Variants in WWOX observed in about 807,000 individuals in gnomAD.
WWOX encodes the protein WW domain containing oxidoreductase.
Under a neutral mutation model 46.2 loss-of-function variants are expected in WWOX, and 69 were observed. That is an observed-to-expected ratio of 1.49 (90% CI 1.23 to 1.82). The LOEUF (loss-of-function observed/expected upper bound fraction) is 1.82, where lower values mean the gene tolerates loss of function less well. WWOX is among the 40% of genes most tolerant of loss of function. The pLI, the probability that WWOX is intolerant of heterozygous loss-of-function variation, is 0.00. For synonymous variants in WWOX, 359 were observed against 202.6 expected, an observed-to-expected ratio of 1.77 and a Z score of -6.56; for missense variants, 919 against 542.6, an observed-to-expected ratio of 1.69 and a Z score of -6.89.
chr16:78,779,056 C>T (rs905248736), intron 8 of WWOX, among the ~76,000 whole-genome samples: 6 of 152,068 alleles, frequency 3.9e-5, no homozygotes, highest in African/African-American at 7.2e-5. Flanking sequence ...ATGTTATAGC[C>T]GGAAGGGATT....
At position 78,671,761 on chromosome 16, in the gene WWOX, G is replaced by A. The variant is rs139947798; in HGVS notation, c.1056+239009G>A. On this transcript the variant is annotated intron_variant, in intron 8 of 8. Transcript: ENST00000566780. Reference sequence around the variant, plus strand: ...TAGAATGCTATTATTTAGAACATAAGTATATTTAAGAAAGCACCATCAGTA... The same window carrying A: ...TAGAATGCTATTATTTAGAACATAAATATATTTAAGAAAGCACCATCAGTA... 1.2e-3 allele frequency among the ~76,000 whole-genome samples: 176 copies of A among 152,282 alleles called. 1 individual carries two copies. Among genetic ancestry groups the A allele is most frequent in the African/African-American group, 4.1e-3 (169 of 41,564 alleles).
At chr16:79,069,751 T>C (rs1219095945) in intron 8 of WWOX, among the ~76,000 whole-genome samples, 1 of 152,148 alleles carries the variant, frequency 6.6e-6, no homozygotes, top group African/African-American at 2.4e-5. Context: ...GTCTGTGTTA[T>C]TAGGGAAAGA....
chr16:79,089,892 G>C (rs953727352), intron 8 of WWOX, among the ~76,000 whole-genome samples: 1 of 151,510 alleles, frequency 6.6e-6, no homozygotes, highest in African/African-American at 2.4e-5. Context: ...AGGGGGGCTT[G>C]GGTGCCTGAG....
intron 5 of WWOX, among the ~76,000 whole-genome samples, chr16:78,358,406 C>G (rs545513640): frequency 2.4e-4 from 36 of 152,154 alleles, no homozygotes; most frequent in Non-Finnish European, 4.9e-4. Context: ...ACCTGTAATC[C>G]CGGCACTTTG....
rs116334808 is a variant in WWOX, at chr16:79,193,430, C to T, written c.1057-18178C>T. On this transcript the variant is annotated intron_variant, in intron 8 of 8. Coordinates refer to ENST00000566780, the MANE Select transcript of WWOX (RefSeq NM_016373.4). ...CCTCACTGAAACTTGAATCAAAAAG[C>T]GGCTGGAGGAAAAAGAGCTTTGCCA... 3.8e-3 allele frequency among the ~76,000 whole-genome samples: 575 copies of T among 152,240 alleles called. 2 individuals carry two copies. The highest frequency in any genetic ancestry group is 0.013 in the African/African-American group (527 of 41,538).
intron 8 of WWOX, among the ~76,000 whole-genome samples, chr16:78,773,219 T>A (rs2050107298): frequency 6.6e-6 from 1 of 152,152 alleles, no homozygotes; most frequent in Non-Finnish European, 1.5e-5. Context: ...ATATATTTGT[T>A]CTATTAATAA....
intron 8 of WWOX, among the ~76,000 whole-genome samples, chr16:78,823,345 G>T (rs2051557407): frequency 6.6e-6 from 1 of 152,182 alleles, no homozygotes; most frequent in South Asian, 2.1e-4. Context: ...AGCCGCCTGT[G>T]TGAATAAGGA....
intron 8 of WWOX, among the ~76,000 whole-genome samples, chr16:79,088,768 C>T (rs1361540583): frequency 1.3e-5 from 2 of 152,128 alleles, no homozygotes; most frequent in African/African-American, 4.8e-5. Flanking sequence ...GCTGCTAAGA[C>T]TGCTTTAGAT....
rs530131036 is a variant in WWOX, at chr16:79,032,910, C to G, written c.1057-178698C>G. Among the ~76,000 whole-genome samples the G allele has an allele frequency of 5.0e-4, 76 of 151,546 alleles. 2 individuals are homozygous for G. The South Asian group carries it at 0.015, about 31-fold the overall frequency. ...CATTAGTTATTTTTCCTGCTCTTCT[C>G]CCTCCTGCCACCCTCCACCCTTTGG... On this transcript the variant is annotated intron_variant, in intron 8 of 8. Transcript: ENST00000566780.
At chr16:78,797,589 A>G (rs1180929482) in intron 8 of WWOX, among the ~76,000 whole-genome samples, 3 of 152,124 alleles carry the variant, frequency 2.0e-5, no homozygotes, top group East Asian at 1.9e-4. Flanking sequence ...AGTCATGTCA[A>G]TATTCCTGAG....
Position 79,082,852 on chromosome 16 carries a change from T to C in WWOX, c.1057-128756T>C, listed in dbSNP as rs1043666975. Among the ~76,000 whole-genome samples, 5 of 152,316 alleles carry C rather than the reference T, an allele frequency of 3.3e-5. 1 individual carries two copies. In the Middle Eastern group the frequency reaches 0.01, roughly 311 times the overall value. Reference sequence around the variant, plus strand: ...TGTGTGTGCTTACAGAGGTCATGAATTGTCCGCTGTTGTATGTGTAATCCG... The same window carrying C: ...TGTGTGTGCTTACAGAGGTCATGAACTGTCCGCTGTTGTATGTGTAATCCG... On this transcript the variant is annotated intron_variant, in intron 8 of 8. Coordinates refer to ENST00000566780, the MANE Select transcript of WWOX (RefSeq NM_016373.4).
At chr16:78,744,293 A>T (rs578210511) in intron 8 of WWOX, among the ~76,000 whole-genome samples, 1 of 152,164 alleles carries the variant, frequency 6.6e-6, no homozygotes, top group Non-Finnish European at 1.5e-5. Flanking sequence ...TATAACTGCA[A>T]GGTGTGTCTC....
intron 8 of WWOX, among the ~76,000 whole-genome samples, chr16:78,767,407 T>A (rs1425228721): frequency 1.3e-5 from 2 of 152,058 alleles, no homozygotes; most frequent in African/African-American, 4.8e-5. Flanking sequence ...AGCGCTGAGA[T>A]GACTGCGCCA....
intron 8 of WWOX, among the ~76,000 whole-genome samples, chr16:78,442,978 C>G (rs959751130): frequency 1.3e-5 from 2 of 151,680 alleles, no homozygotes; most frequent in East Asian, 1.9e-4. Flanking sequence ...AAAAAATTAG[C>G]CAGGCGTGGT....
At chr16:78,545,162 G>A (rs2151533525) in intron 8 of WWOX, among the ~76,000 whole-genome samples, 1 of 152,288 alleles carries the variant, frequency 6.6e-6, no homozygotes, top group Middle Eastern at 3.4e-3. Context: ...CTGATTAGCA[G>A]TAACTGCCCT....
chr16:78,672,824 G>T (rs146782106), intron 8 of WWOX, among the ~76,000 whole-genome samples: 1 of 152,160 alleles, frequency 6.6e-6, no homozygotes, highest in African/African-American at 2.4e-5. Context: ...TGACTTGATC[G>T]GAGTTCTATG....
chr16:78,494,041 G>C (rs1485693751), intron 8 of WWOX, among the ~76,000 whole-genome samples: 2 of 152,170 alleles, frequency 1.3e-5, no homozygotes, highest in African/African-American at 4.8e-5. Context: ...TCTGCAGACT[G>C]TATAGGCTTC....
intron 8 of WWOX, among the ~76,000 whole-genome samples, chr16:78,871,771 T>C (rs1364673772): frequency 6.6e-6 from 1 of 152,152 alleles, no homozygotes; most frequent in African/African-American, 2.4e-5. Flanking sequence ...ACCTAATTTT[T>C]TGTATCTTTT....
At chr16:78,717,562 AAAG>A (rs1266530383) in intron 8 of WWOX, among the ~76,000 whole-genome samples, 24 of 152,200 alleles carry the variant, frequency 1.6e-4, no homozygotes, top group African/African-American at 5.5e-4. Flanking sequence ...GATGGTGGAC[AAAG>A]AAGGTTTCCT....
Sources: gnomAD v4.1 joint callset for allele counts (sites outside exome capture counted in the v4.1 genomes callset) on GRCh38, gnomAD v4.1.1 for gene constraint, MANE v1.5 for transcripts, NCBI Gene and HGNC (gene_info 2026-07-23, HGNC 2026-07-21) for gene names.